CLCN3: variants seen among roughly 807,000 people sequenced by gnomAD.
CLCN3 encodes H(+)/Cl(-) exchange transporter 3.
In CLCN3, 16 loss-of-function variants were observed where a neutral mutation model predicts 83.4. That is an observed-to-expected ratio of 0.19 (90% CI 0.13 to 0.29). The LOEUF is 0.29. Among genes scored for constraint, CLCN3 ranks in the 10% least tolerant of loss-of-function variants. The pLI is 1.00. For synonymous variants in CLCN3, 322 were observed against 346.2 expected, an observed-to-expected ratio of 0.93 and a Z score of 0.78; for missense variants, 544 against 1,006.0, an observed-to-expected ratio of 0.54 and a Z score of 6.21.
chr4:169,679,040 GC>G (rs923732742), intron 2 of CLCN3, among the ~76,000 whole-genome samples: 7 of 150,170 alleles, frequency 4.7e-5, no homozygotes, highest in African/African-American at 1.7e-4. Flanking sequence ...GGGCGGGGGC[GC>G]CCCCCACCTC....
At chr4:169,653,463 A>G (rs1730791753) in intron 2 of CLCN3, among the ~76,000 whole-genome samples, 1 of 151,846 alleles carries the variant, frequency 6.6e-6, no homozygotes, top group African/African-American at 2.4e-5. Context: ...AATATGATAA[A>G]ACCCTGTCTC....
intron 3 of CLCN3, among the ~76,000 whole-genome samples, chr4:169,682,320 G>T (rs1270599966): frequency 6.6e-6 from 1 of 152,142 alleles, no homozygotes; most frequent in Non-Finnish European, 1.5e-5. Context: ...CACAGTGATA[G>T]ATACAAGTTT....
Position 169,691,524 on chromosome 4 carries a change from T to G in CLCN3, c.730-590T>G, listed in dbSNP as rs146416703. ...CTTGATTTGAACTTATCTCTTCTCT[T>G]TTATTTTTCTGTAGTTAAATAAGTT... On this transcript the variant is annotated intron_variant, in intron 6 of 12. Transcript: ENST00000513761. Among the ~76,000 whole-genome samples the G allele has an allele frequency of 5.9e-5, 9 of 152,332 alleles. No homozygotes were observed. The East Asian group carries it at 1.7e-3, about 29-fold the overall frequency.
chr4:169,705,113 T>G (rs1484414143), intron 10 of CLCN3, among the ~76,000 whole-genome samples: 2 of 152,022 alleles, frequency 1.3e-5, no homozygotes, highest in Non-Finnish European at 2.9e-5. Flanking sequence ...CTAAGTATGG[T>G]AGGAATATAG....
In CLCN3 at chr4:169,696,413, T is replaced by A. The variant is rs187695928; in HGVS notation, c.1017+721T>A. The stretch of plus-strand genomic sequence containing the variant: ...AAAAATGTAACCAGGAATTTTTTTT[T>A]AATTTTTTTTGACAAATAATAATTG... On this transcript the variant is annotated intron_variant, in intron 8 of 12. Coordinates refer to ENST00000513761, the MANE Select transcript of CLCN3 (RefSeq NM_001829.4). 7.1e-4 allele frequency among the ~76,000 whole-genome samples: 108 copies of A among 152,280 alleles called. 1 individual carries two copies. The highest frequency in any genetic ancestry group is 6.4e-3 in the East Asian group (33 of 5,192).
intron 2 of CLCN3, among the ~76,000 whole-genome samples, chr4:169,653,333 G>C (rs1052215754): frequency 6.6e-6 from 1 of 151,878 alleles, no homozygotes; most frequent in Non-Finnish European, 1.5e-5. Flanking sequence ...ACTTGAGGCC[G>C]GACAATTTAT....
At chr4:169,690,208 C>G (rs1479719346) in intron 5 of CLCN3, among the ~76,000 whole-genome samples, 3 of 142,714 alleles carry the variant, frequency 2.1e-5, no homozygotes, top group Admixed American at 7.5e-5. Context: ...CGCAGTGGCA[C>G]GATCTCGGCT....
intron 2 of CLCN3, among the ~76,000 whole-genome samples, chr4:169,639,040 T>C (rs546608711): frequency 6.6e-5 from 10 of 150,704 alleles, no homozygotes; most frequent in African/African-American, 2.4e-4. Flanking sequence ...TTTTCTTTTC[T>C]TTTTTTGGAG....
At chr4:169,641,439 T>C (rs939147486) in intron 2 of CLCN3, among the ~76,000 whole-genome samples, 1 of 152,196 alleles carries the variant, frequency 6.6e-6, no homozygotes, top group Non-Finnish European at 1.5e-5. Context: ...AGAAACCACA[T>C]AGTAGACGAG....
intron 2 of CLCN3, among the ~76,000 whole-genome samples, chr4:169,667,755 T>C (rs1202996000): frequency 7.0e-6 from 1 of 142,806 alleles, no homozygotes; most frequent in Non-Finnish European, 1.6e-5. Flanking sequence ...TTTTTTTTCT[T>C]TTTTTTTTTG....
At chr4:169,662,003 A>G (rs1560841853) in intron 2 of CLCN3, among the ~76,000 whole-genome samples, 1 of 152,162 alleles carries the variant, frequency 6.6e-6, no homozygotes, top group South Asian at 2.1e-4. Flanking sequence ...GTTAATGATG[A>G]TAGATCAGAA....
chr4:169,653,252 G>A (rs1206695051), intron 2 of CLCN3, among the ~76,000 whole-genome samples: 1 of 152,112 alleles, frequency 6.6e-6, no homozygotes, highest in Admixed American at 6.5e-5. Context: ...GTGTGTGTAT[G>A]TGTTAGAGTG....
chr4:169,684,281 C>G (rs1249235379), intron 3 of CLCN3, among the ~76,000 whole-genome samples: 2 of 152,056 alleles, frequency 1.3e-5, no homozygotes, highest in Non-Finnish European at 2.9e-5. Context: ...CCCACATCAA[C>G]CATTTGGATT....
intron 2 of CLCN3, among the ~76,000 whole-genome samples, chr4:169,664,592 C>G (rs932817858): frequency 1.3e-5 from 2 of 152,144 alleles, no homozygotes; most frequent in Admixed American, 1.3e-4. Context: ...ATTAAAGGAA[C>G]AACTAAAGAT....
chr4:169,723,207 A>T lies in CLCN3; in HGVS notation c.*3210A>T, dbSNP rs1733693608. 6.6e-6 allele frequency: 1 copy of T among 152,230 alleles called. No individual in the cohort carries two copies. The highest frequency in any genetic ancestry group is 2.4e-5 in the African/African-American group (1 of 41,454). 9.4% of individuals were successfully genotyped at this position (152,230 alleles called of 1,614,324 possible). On this transcript the variant is annotated 3_prime_UTR_variant, in exon 13 of 13. Transcript: ENST00000513761. ...ACAATGTGTGGTTTGGCCTTTAATT[A>T]TATCTGTAACAGTCCTCCCTCTTCA... is the stretch of plus-strand genomic sequence containing the variant.
rs142902976 is a variant in CLCN3, at chr4:169,713,134, A to G, written c.2205A>G (p.Ala735=). The part of the protein sequence containing the change: ...GIVGSSRVCF[A]QHTPSLPAES... The stretch of plus-strand genomic sequence containing the variant: ...TTGGCAGTTCTCGGGTGTGTTTTGC[A>G]CAGCACACCCCATCTCTTCCAGCAG... The change falls in exon 12 of 13, where the codon GCA becomes GCG. Residue 735 remains alanine (A), a synonymous_variant. Transcript: ENST00000513761. 425 of 1,614,096 alleles carry G rather than the reference A, an allele frequency of 2.6e-4. No homozygotes were observed. The highest frequency in any genetic ancestry group is 3.4e-4 in the Non-Finnish European group (401 of 1,180,040).
chr4:169,672,559 AGGTGAAATT>A (rs1257595484), intron 2 of CLCN3, among the ~76,000 whole-genome samples: 1 of 152,182 alleles, frequency 6.6e-6, no homozygotes, highest in Non-Finnish European at 1.5e-5. Flanking sequence ...TGAAATCGAG[AGGTGAAATT>A]GGATATACTG....
intron 4 of CLCN3, among the ~76,000 whole-genome samples, chr4:169,688,698 A>G (rs543300865): frequency 2.4e-4 from 36 of 152,328 alleles, no homozygotes; most frequent in Middle Eastern, 3.4e-3. Context: ...GACATCATTT[A>G]TAAGTCTGTT....
At chr4:169,672,556 G>A (rs1232788362) in intron 2 of CLCN3, among the ~76,000 whole-genome samples, 33 of 152,228 alleles carry the variant, frequency 2.2e-4, no homozygotes, top group East Asian at 1.9e-4. Flanking sequence ...AGATGAAATC[G>A]AGAGGTGAAA....
Sources: gnomAD v4.1 joint callset for allele counts (sites outside exome capture counted in the v4.1 genomes callset) on GRCh38, gnomAD v4.1.1 for gene constraint, MANE v1.5 for transcripts, NCBI Gene and HGNC (gene_info 2026-07-23, HGNC 2026-07-21) for gene names.